Variants in ESR1 observed in about 807,000 individuals in gnomAD.
ESR1 encodes the protein estrogen receptor 1, also known as estrogen receptor.
ESR1 carries 12 observed loss-of-function variants against 52.7 expected under a neutral mutation model. That is an observed-to-expected ratio of 0.23 (90% CI 0.15 to 0.37). The LOEUF is 0.37. Among genes scored for constraint, ESR1 ranks in the 10% least tolerant of loss-of-function variants. ESR1 has a pLI of 1.00. For missense variants in ESR1, 584 were observed against 779.7 expected (o/e 0.75, Z 2.99); for synonymous variants, 305 against 316.8 (o/e 0.96, Z 0.39).
chr6:151,985,540 C>A (rs184793724), intron 4 of ESR1, among the ~76,000 whole-genome samples: 1,643 of 80,418 alleles, frequency 0.02, 56 homozygotes, highest in African/African-American at 0.067. Flanking sequence ...AAAACACAAA[C>A]AAAAAAAAAA....
chr6:151,933,938 A>C (rs1175323124), intron 3 of ESR1, among the ~76,000 whole-genome samples: 1 of 152,160 alleles, frequency 6.6e-6, no homozygotes, highest in Non-Finnish European at 1.5e-5. Context: ...TTGATCTTTG[A>C]GTTCTTCCAA....
chr6:151,944,456 C>G lies in ESR1; in HGVS notation c.1044C>G (p.Asn348Lys), dbSNP rs1562578549. ...CTTCGATGATGGGCTTACTGACCAA[C>G]CTGGCAGACAGGGAGCTGGTTCACA... ...SEASMMGLLT[N>K]LADRELVHMI... is the part of the protein sequence containing the mutation. Residue 348 changes from asparagine (N) to lysine (K), a missense_variant, in exon 4 of 8, where the codon AAC becomes AAG. By Grantham distance (94) the Asn-to-Lys change is moderately conservative. Coordinates refer to ENST00000206249, the MANE Select transcript of ESR1 (RefSeq NM_000125.4). 2 of 1,614,210 alleles carry G rather than the reference C, an allele frequency of 1.2e-6. No homozygotes were observed. Among genetic ancestry groups the G allele is most frequent in the Non-Finnish European group, 1.7e-6 (2 of 1,180,038 alleles).
upstream of ESR1, among the ~76,000 whole-genome samples, chr6:151,686,878 G>A (rs1778710502): frequency 6.6e-6 from 1 of 152,216 alleles, no homozygotes; most frequent in African/African-American, 2.4e-5. Flanking sequence ...AACCCTGTCA[G>A]TGACTATAGC....
At chr6:151,893,512 GATT>G (rs1041229072) in intron 3 of ESR1, among the ~76,000 whole-genome samples, 4 of 151,094 alleles carry the variant, frequency 2.6e-5, no homozygotes, top group Non-Finnish European at 5.9e-5. Flanking sequence ...TATTTTAGGT[GATT>G]ATATTTTTAA....
chr6:151,969,467 G>T (rs746182212), intron 4 of ESR1, among the ~76,000 whole-genome samples: 1 of 152,222 alleles, frequency 6.6e-6, no homozygotes, highest in Non-Finnish European at 1.5e-5. Flanking sequence ...GGGAATGTGT[G>T]TGTGTGTGTG....
chr6:151,806,705 A>G (rs1777940566), upstream of ESR1, among the ~76,000 whole-genome samples: 1 of 151,992 alleles, frequency 6.6e-6, no homozygotes, highest in Non-Finnish European at 1.5e-5. Flanking sequence ...GGACTAAAGG[A>G]TAGACATGCA....
chr6:151,674,175 T>A lies in ESR1; in HGVS notation n.73+17412T>A, dbSNP rs147030787. ...TAGGTATTTGTCCTAATGCTCTCCC[T>A]CCCCTTGTCCCCCACCACCCAACAG... On this transcript the variant is annotated intron_variant and non_coding_transcript_variant, in intron 1 of 2. Transcript: ENST00000473497. Among the ~76,000 whole-genome samples, 202 of 152,246 alleles carry A rather than the reference T, an allele frequency of 1.3e-3. 1 individual carries two copies. The highest frequency in any genetic ancestry group is 2.2e-3 in the Non-Finnish European group (149 of 68,018).
chr6:151,773,043 C>T (rs1337024735), intron 2 of ESR1, among the ~76,000 whole-genome samples: 1 of 152,072 alleles, frequency 6.6e-6, no homozygotes, highest in East Asian at 1.9e-4. Flanking sequence ...AGAATGTGGC[C>T]TTATTTGGAG....
chr6:152,042,792 G>A (rs1482292298), intron 5 of ESR1, among the ~76,000 whole-genome samples: 1 of 151,668 alleles, frequency 6.6e-6, no homozygotes, highest in African/African-American at 2.4e-5. Context: ...AGATTAAGTA[G>A]CCAATGCCAG....
intron 3 of ESR1, among the ~76,000 whole-genome samples, chr6:151,939,613 T>G (rs1044607494): frequency 1.3e-5 from 2 of 152,062 alleles, no homozygotes; most frequent in African/African-American, 4.8e-5. Flanking sequence ...CTTCTTCCAC[T>G]CAATTCTAGT....
chr6:152,083,430 G>A (rs1379515655), intron 6 of ESR1, among the ~76,000 whole-genome samples: 1 of 152,130 alleles, frequency 6.6e-6, no homozygotes, highest in African/African-American at 2.4e-5. Context: ...AGCTGAAACT[G>A]GATCCCTTCC....
intron 4 of ESR1, among the ~76,000 whole-genome samples, chr6:151,967,062 G>T (rs1293776782): frequency 6.6e-6 from 1 of 152,160 alleles, no homozygotes; most frequent in African/African-American, 2.4e-5. Context: ...GAAGGGGGAA[G>T]AATCTGATCC....
intron 3 of ESR1, among the ~76,000 whole-genome samples, chr6:151,940,934 A>C (rs1191136820): frequency 6.6e-6 from 1 of 152,204 alleles, no homozygotes; most frequent in Non-Finnish European, 1.5e-5. Flanking sequence ...CAGTTTCTGA[A>C]TTGATTCTAA....
intron 1 of ESR1, among the ~76,000 whole-genome samples, chr6:151,680,768 C>T (rs1778428840): frequency 6.6e-6 from 1 of 152,154 alleles, no homozygotes; most frequent in Non-Finnish European, 1.5e-5. Flanking sequence ...GGATCTTTGT[C>T]TCTTTTGTTT....
At chr6:151,962,732 T>C (rs988960529) in intron 4 of ESR1, among the ~76,000 whole-genome samples, 2 of 152,210 alleles carry the variant, frequency 1.3e-5, no homozygotes, top group African/African-American at 4.8e-5. Flanking sequence ...TTTTCATTCA[T>C]TGTGCTGGGC....
At chr6:151,682,771 C>CCTAAATATATAAATAAATATAAAAA (rs1778507507) in intron 1 of ESR1, among the ~76,000 whole-genome samples, 1 of 152,172 alleles carries the variant, frequency 6.6e-6, no homozygotes. Context: ...GAAAAATGCA[C>CCTAAATATATAAATAAATATAAAAA]ATATTCTTAT....
intron 2 of ESR1, among the ~76,000 whole-genome samples, chr6:151,705,431 C>G (rs1780114382): frequency 6.6e-6 from 1 of 151,790 alleles, no homozygotes; most frequent in Non-Finnish European, 1.5e-5. Flanking sequence ...CACATATGAA[C>G]TAAAGATGGA....
At chr6:152,108,597 G>A (rs560487993) in intron 6 of ESR1, among the ~76,000 whole-genome samples, 34 of 152,236 alleles carry the variant, frequency 2.2e-4, no homozygotes, top group African/African-American at 7.9e-4. Flanking sequence ...AGAACACCAA[G>A]GAGCAGACTT....
rs1327404900 is a variant in ESR1 at position 151,808,448 on chromosome 6, G to A, written c.452+84G>A. 3 of 1,155,130 alleles carry A rather than the reference G, an allele frequency of 2.6e-6. No homozygotes were observed. In the African/African-American group the frequency reaches 5.2e-5, roughly 20 times the overall value. The allele number at this position is 1,155,130 out of a possible 1,614,324, so 71.6% of individuals were successfully genotyped here. A position where few individuals can be genotyped will look rare whatever the true frequency, so the allele number is the denominator to read the frequency against. ...GGAGGGAGGGAGAAGGGAGAGCCTA[G>A]GGAGCTGCGGGAGCCGCGGGACGCG... On this transcript the variant is annotated intron_variant, in intron 1 of 7. Transcript: ENST00000206249.
Sources: allele counts gnomAD v4.1 joint callset (sites outside exome capture counted in the v4.1 genomes callset), GRCh38; gene constraint gnomAD v4.1.1; transcripts MANE v1.5; gene names NCBI Gene and HGNC (gene_info 2026-07-23, HGNC 2026-07-21).